Variants in NCSTN observed in about 807,000 individuals in gnomAD.
NCSTN encodes the protein anterior pharynx-defective 2.
In NCSTN, 22 loss-of-function variants were observed where a neutral mutation model predicts 87.0. That is an observed-to-expected ratio of 0.25 (90% confidence interval 0.18 to 0.36). The LOEUF (loss-of-function observed/expected upper bound fraction) is 0.36, where lower values mean the gene tolerates loss of function less well. NCSTN is among the 10% of genes least tolerant of loss of function. The probability of loss-of-function intolerance (pLI) is 1.00; values close to 1 mark genes in which losing one functional copy is unlikely to be tolerated. For synonymous variants in NCSTN, 306 were observed against 327.1 expected (o/e 0.94, Z 0.69); for missense variants, 693 against 883.3 (o/e 0.78, Z 2.73).
At chr1:160,349,723 G>A in intron 4 of NCSTN, 53 bp downstream of exon 4, 2 of 1,606,588 alleles carry the variant, frequency 1.2e-6, no homozygotes, top group South Asian at 1.1e-5. Flanking sequence ...GCTCACTGTT[G>A]CTTCGGTCTT....
At chr1:160,347,288 G>A (rs1430510804) in intron 2 of NCSTN, among the ~76,000 whole-genome samples, 3 of 152,152 alleles carry the variant, frequency 2.0e-5, no homozygotes, top group Non-Finnish European at 4.4e-5. Flanking sequence ...TAGCTAACAT[G>A]ATAAAACTAA....
chr1:160,352,343 G>A, intron 8 of NCSTN, 137 bp downstream of exon 8: 1 of 1,064,412 alleles, frequency 9.4e-7, no homozygotes, highest in Non-Finnish European at 1.4e-6. Flanking sequence ...GTGTCTACAT[G>A]TGTCTCCCCT....
Position 160,349,571 on chromosome 1 carries a change from G to C in NCSTN, c.337G>C (p.Gly113Arg). Residue 113 changes from glycine to arginine, a missense_variant, in exon 4 of 17, where the codon GGG becomes CGG. Physicochemically the swap from Gly to Arg is moderately radical, Grantham distance 125. This residue lies in a region of NCSTN where 235 missense variants were observed against 233.9 expected (regional missense o/e 1.00). Transcript: ENST00000294785. The stretch of plus-strand genomic sequence containing the variant: ...CAGGGATTTAATGGAGAAGCTGAAA[G>C]GGAGAACCAGCCGAATTGCTGGTCT... The part of the protein sequence containing the change: ...FTRDLMEKLK[G>R]RTSRIAGLAV... The C allele has an allele frequency of 6.2e-7, 1 of 1,614,170 alleles. No homozygotes were observed. The highest frequency in any genetic ancestry group is 8.5e-7 in the Non-Finnish European group (1 of 1,180,018).
rs1218549731 is a variant in NCSTN at position 160,349,402 on chromosome 1, C to T, written c.315-147C>T. ...CTACTTTTTAGAGCAGATCATTGTC[C>T]AGACTCAGAATTTAGAGACTGAAAG... On this transcript the variant is annotated intron_variant, in intron 3 of 16. Coordinates refer to ENST00000294785, the MANE Select transcript of NCSTN (RefSeq NM_015331.3). The T allele has an allele frequency of 4.9e-6, 6 of 1,228,806 alleles. No homozygotes were observed. The East Asian group carries it at 9.3e-5, about 19-fold the overall frequency. 76.1% of individuals were successfully genotyped at this position (1,228,806 alleles called of 1,614,324 possible).
intron 15 of NCSTN, 53 bp downstream of exon 15, chr1:160,356,807 G>C: frequency 6.2e-7 from 1 of 1,609,358 alleles, no homozygotes; most frequent in South Asian, 1.1e-5. Context: ...CCTTGGGAAA[G>C]TTGGAGGTTC....
At chr1:160,345,005 T>C in intron 2 of NCSTN, 179 bp downstream of exon 2, 1 of 674,306 alleles carries the variant, frequency 1.5e-6, no homozygotes, top group Non-Finnish European at 2.7e-6. Flanking sequence ...ATTTAGTAAA[T>C]GCTGCATACC....
rs766185696 is a variant in NCSTN at position 160,357,268 on chromosome 1, G to A, written c.2007+15G>A. 1.6e-5 allele frequency: 25 copies of A among 1,601,924 alleles called. No individual in the cohort carries two copies. In the Admixed American group the frequency reaches 4.1e-4, roughly 26 times the overall value. On this transcript the variant is annotated intron_variant, in intron 16 of 16. Coordinates refer to ENST00000294785, the MANE Select transcript of NCSTN (RefSeq NM_015331.3). ...AAGAGCTTGAGGTGAGATGGGGCAG[G>A]GGCATAGGTGGCAGGGATCTGTTTG...
rs759088926 is a variant in NCSTN at position 160,350,202 on chromosome 1, C to T, written c.534C>T (p.Phe178=). The T allele has an allele frequency of 2.5e-6, 4 of 1,614,130 alleles. No homozygotes were observed. Among genetic ancestry groups the T allele is most frequent in the Admixed American group, 3.3e-5 (2 of 60,010 alleles). ...GTTTGGCTTATGAAGACTTTAGTTTCCCCATCTTTCTTCTTGAAGATGAAA... is the reference window on the plus strand; with the variant it reads ...GTTTGGCTTATGAAGACTTTAGTTTTCCCATCTTTCTTCTTGAAGATGAAA... ...GNGLAYEDFS[F]PIFLLEDENE... is the part of the protein sequence containing the mutation. The change falls in exon 5 of 17, where the codon TTC becomes TTT. Residue 178 remains phenylalanine (F), a synonymous_variant. Transcript: ENST00000294785.
chr1:160,354,315 C>T, intron 11 of NCSTN, 25 bp downstream of exon 11: 2 of 1,612,112 alleles, frequency 1.2e-6, no homozygotes, highest in Non-Finnish European at 1.7e-6. Context: ...GCCCTGCACC[C>T]TCTTCATTCT....
At chr1:160,354,006 G>C in intron 10 of NCSTN, 112 bp from the exon 11 acceptor site, 1 of 1,156,210 alleles carries the variant, frequency 8.6e-7, no homozygotes, top group South Asian at 1.3e-5. Flanking sequence ...ACTAGAGATA[G>C]GGTAGCTCCC....
Position 160,351,701 on chromosome 1 carries a change from G to T in NCSTN, c.739G>T (p.Val247Phe). ...ATTGTTTGTGTCCTGCTTAGAAATC[G>T]TCTGTGACCCCCTGTCTGATTACAA... ...QSTFSINPEI[V>F]CDPLSDYNVW... Residue 247 changes from valine to phenylalanine, a missense_variant, in exon 7 of 17, where the codon GTC becomes TTC. By Grantham distance (50) the Val-to-Phe change is conservative. Coordinates refer to ENST00000294785, the MANE Select transcript of NCSTN (RefSeq NM_015331.3). 1 of 1,600,166 alleles carries T rather than the reference G, an allele frequency of 6.2e-7. No homozygotes were observed. Among genetic ancestry groups the T allele is most frequent in the Non-Finnish European group, 8.6e-7 (1 of 1,167,290 alleles).
Position 160,357,192 on chromosome 1 carries a change from C to T in NCSTN, c.1946C>T (p.Thr649Ile). 6.2e-7 allele frequency: 1 copy of T among 1,614,162 alleles called. No homozygotes were observed. The highest frequency in any genetic ancestry group is 8.5e-7 in the Non-Finnish European group (1 of 1,180,036). ...QWSSTEYSTW[T>I]ESRWKDIRAR... Reference sequence around the variant, plus strand: ...AGCTCTACTGAATACTCTACATGGACTGAGAGCCGCTGGAAAGATATCCGT... The same window carrying T: ...AGCTCTACTGAATACTCTACATGGATTGAGAGCCGCTGGAAAGATATCCGT... Residue 649 changes from threonine (T) to isoleucine (I), a missense_variant, in exon 16 of 17, where the codon ACT becomes ATT. This residue lies in a region of NCSTN where 216 missense variants were observed against 311.7 expected (regional missense o/e 0.69). Coordinates refer to ENST00000294785, the MANE Select transcript of NCSTN (RefSeq NM_015331.3).
Position 160,349,595 on chromosome 1 carries a change from C to T in NCSTN, c.361C>T (p.Leu121Phe). ...AGGGAGAACCAGCCGAATTGCTGGT[C>T]TTGCAGTGTCCTTGACCAAGCCCAG... ...LKGRTSRIAG[L>F]AVSLTKPSPA... Residue 121 changes from leucine to phenylalanine, a missense_variant, in exon 4 of 17, where the codon CTT becomes TTT. This residue lies in a region of NCSTN where 235 missense variants were observed against 233.9 expected (regional missense o/e 1.00). Coordinates refer to ENST00000294785, the MANE Select transcript of NCSTN (RefSeq NM_015331.3). 6.2e-7 allele frequency: 1 copy of T among 1,614,096 alleles called. No homozygotes were observed. Among genetic ancestry groups the T allele is most frequent in the Non-Finnish European group, 8.5e-7 (1 of 1,179,970 alleles).
chr1:160,349,122 G>A lies in NCSTN; in HGVS notation c.314G>A (p.Arg105Lys). 1 of 1,614,118 alleles carries A rather than the reference G, an allele frequency of 6.2e-7. No individual in the cohort carries two copies. Among genetic ancestry groups the A allele is most frequent in the Non-Finnish European group, 8.5e-7 (1 of 1,179,998 alleles). ...CTGCTGGAGAGCAAGCATTTTACCA[G>A]GTAAGAACTAGATGTATCTGCTGGG... is the stretch of plus-strand genomic sequence containing the variant. The part of the protein sequence containing the change: ...MVLLESKHFT[R>K]DLMEKLKGRT... Residue 105 changes from arginine (R) to lysine (K), a missense_variant and splice_region_variant, in exon 3 of 17, where the codon AGG becomes AAG. Physicochemically the swap from Arg to Lys is conservative, Grantham distance 26 (BLOSUM62 2). This residue lies in a region of NCSTN where 235 missense variants were observed against 233.9 expected (regional missense o/e 1.00). Coordinates refer to ENST00000294785, the MANE Select transcript of NCSTN (RefSeq NM_015331.3).
chr1:160,349,583 C>T lies in NCSTN; in HGVS notation c.349C>T (p.Arg117Ter), dbSNP rs387906896. Residue 117 changes from arginine to a stop codon, truncating the protein, a stop_gained, in exon 4 of 17, where the codon CGA becomes TGA. Coordinates refer to ENST00000294785, the MANE Select transcript of NCSTN (RefSeq NM_015331.3). LOFTEE classifies it high-confidence loss of function. ...LMEKLKGRTS[R>*]IAGLAVSLTK... ...GGAGAAGCTGAAAGGGAGAACCAGC[C>T]GAATTGCTGGTCTTGCAGTGTCCTT... The T allele has an allele frequency of 6.2e-7, 1 of 1,614,024 alleles. No homozygotes were observed. Among genetic ancestry groups the T allele is most frequent in the Non-Finnish European group, 8.5e-7 (1 of 1,179,950 alleles).
intron 3 of NCSTN, 156 bp from the exon 4 acceptor site, chr1:160,349,393 A>G: frequency 1.1e-5 from 13 of 1,153,514 alleles, no homozygotes; most frequent in Admixed American, 1.7e-5. Flanking sequence ...TTTAGAGCAG[A>G]TCATTGTCCA....
rs1649234653 is a variant in NCSTN, at chr1:160,358,265, A to G, written c.2124A>G (p.Ser708=). The G allele has an allele frequency of 1.2e-6, 2 of 1,613,984 alleles. No individual in the cohort carries two copies. Among genetic ancestry groups the G allele is most frequent in the Non-Finnish European group, 1.7e-6 (2 of 1,180,016 alleles). ...CTCCCCGGGAGCCAGGAGCTGTGTC[A>G]TACTGAGGAGGACCCCAGCTTTTCT... ...FIAPREPGAV[S]Y The change falls in exon 17 of 17, where the codon TCA becomes TCG. Residue 708 remains serine (S), a synonymous_variant. Transcript: ENST00000294785.
chr1:160,352,977 G>T lies in NCSTN; in HGVS notation c.1087G>T (p.Val363Leu). ...GCAGTTAGAGAATGTTGACTCATTT[G>T]TGGAGCTGGGACAGGTATGTGGCAT... ...PVQLENVDSF[V>L]ELGQVALRTS... The change falls in exon 9 of 17, where the codon GTG becomes TTG. Residue 363 changes from valine (V) to leucine (L), a missense_variant. Around this residue, in one of 4 missense-constraint regions of NCSTN, gnomAD observed 134 missense variants for 226.0 expected, o/e 0.59. Coordinates refer to ENST00000294785, the MANE Select transcript of NCSTN (RefSeq NM_015331.3). The T allele has an allele frequency of 6.2e-7, 1 of 1,613,912 alleles. No individual in the cohort carries two copies. The highest frequency in any genetic ancestry group is 1.3e-5 in the African/African-American group (1 of 75,012).
Position 160,358,463 on chromosome 1 carries a change from T to C in NCSTN, c.*192T>C. ...ATTGCCTCCCTTCCTCCGCTCCCCT[T>C]TCCCATCACCCCTTCCCCATTTCCT... is the stretch of plus-strand genomic sequence containing the variant. On this transcript the variant is annotated 3_prime_UTR_variant, in exon 17 of 17. Coordinates refer to ENST00000294785, the MANE Select transcript of NCSTN (RefSeq NM_015331.3). The C allele has an allele frequency of 1.4e-6, 1 of 711,412 alleles. No homozygotes were observed. Among genetic ancestry groups the C allele is most frequent in the Non-Finnish European group, 2.4e-6 (1 of 414,474 alleles). 44.1% of individuals were successfully genotyped at this position (711,412 alleles called of 1,614,324 possible).
Sources: allele counts gnomAD v4.1 joint callset (sites outside exome capture counted in the v4.1 genomes callset), GRCh38; gene constraint gnomAD v4.1.1; regional missense constraint gnomAD v4.1.1; transcripts MANE v1.5; gene names NCBI Gene and HGNC (gene_info 2026-07-23, HGNC 2026-07-21).